NRCAM: variants seen among roughly 807,000 people sequenced by gnomAD.
The protein encoded by NRCAM is neuronal cell adhesion molecule, also known as NgCAM-related cell adhesion molecule.
Under a neutral mutation model 156.5 loss-of-function variants are expected in NRCAM, and 83 were observed. The observed-to-expected ratio is 0.53, with a 90% confidence interval of 0.44 to 0.64. The LOEUF (loss-of-function observed/expected upper bound fraction) is 0.64. Ranked by LOEUF, NRCAM falls within the 30% of genes least tolerant of loss-of-function variation. The probability of loss-of-function intolerance (pLI) is 0.00; values close to 1 mark genes in which losing one functional copy is unlikely to be tolerated. For missense variants in NRCAM, 1,417 were observed against 1,597.3 expected (o/e 0.89, Z 1.92); for synonymous variants, 538 against 563.9 (o/e 0.95, Z 0.65).
At chr7:108,354,906 A>G (rs2099474849) in intron 2 of NRCAM, among the ~76,000 whole-genome samples, 1 of 152,148 alleles carries the variant, frequency 6.6e-6, no homozygotes, top group African/African-American at 2.4e-5. Flanking sequence ...AAAAAAAAAA[A>G]GCAATTTCAC....
At chr7:108,408,652 A>T (rs1368233108) in intron 1 of NRCAM, among the ~76,000 whole-genome samples, 1 of 152,262 alleles carries the variant, frequency 6.6e-6, no homozygotes, top group East Asian at 1.9e-4. Flanking sequence ...GATATTTAAT[A>T]TTAGCTCACA....
At chr7:108,264,952 G>T (rs2097035304) in intron 3 of NRCAM, among the ~76,000 whole-genome samples, 1 of 152,198 alleles carries the variant, frequency 6.6e-6, no homozygotes, top group South Asian at 2.1e-4. Flanking sequence ...GACAGAAAAT[G>T]AATGCTGTCC....
intron 6 of NRCAM, 73 bp downstream of exon 6, chr7:108,234,510 A>C (rs1365147246): frequency 1.0e-6 from 1 of 975,820 alleles, no homozygotes; most frequent in African/African-American, 1.6e-5. Flanking sequence ...GGAAATTCCC[A>C]AACATATTTC....
chr7:108,312,247 G>T (rs770678095), intron 3 of NRCAM, among the ~76,000 whole-genome samples: 7 of 152,116 alleles, frequency 4.6e-5, no homozygotes, highest in Non-Finnish European at 1.0e-4. Flanking sequence ...ATCACTAATG[G>T]ATGGTATACC....
At chr7:108,374,469 T>G (rs2099656534) in intron 2 of NRCAM, among the ~76,000 whole-genome samples, 1 of 152,126 alleles carries the variant, frequency 6.6e-6, no homozygotes, top group Admixed American at 6.6e-5. Context: ...TACCTGAATA[T>G]TATAATTAAT....
chr7:108,171,326 A>G (rs893075116), intron 28 of NRCAM, among the ~76,000 whole-genome samples: 8 of 152,186 alleles, frequency 5.3e-5, no homozygotes, highest in Admixed American at 3.3e-4. Context: ...ACAGGTAAAT[A>G]CAAATTCCTT....
intron 23 of NRCAM, among the ~76,000 whole-genome samples, chr7:108,182,313 T>A (rs1295028824): frequency 6.6e-6 from 1 of 151,498 alleles, no homozygotes; most frequent in Admixed American, 6.6e-5. Flanking sequence ...GCCCTCTACA[T>A]CTGCAGGTTC....
At chr7:108,180,568 T>C (rs1246949217) in intron 24 of NRCAM, 141 bp from the exon 25 acceptor site, 5 of 648,636 alleles carry the variant, frequency 7.7e-6, no homozygotes, top group African/African-American at 7.3e-5. Context: ...CTGATGGATA[T>C]TGATTCTGAG....
chr7:108,195,969 G>A, intron 14 of NRCAM, 97 bp from the exon 15 acceptor site: 1 of 797,946 alleles, frequency 1.3e-6, no homozygotes, highest in Non-Finnish European at 2.1e-6. Context: ...AAAGTTTATG[G>A]TAAAGCACAA....
intron 32 of NRCAM, among the ~76,000 whole-genome samples, chr7:108,155,662 A>G (rs897340238): frequency 6.6e-6 from 1 of 152,018 alleles, no homozygotes; most frequent in African/African-American, 2.4e-5. Context: ...ACTAGGCTAT[A>G]AACTCCCTGT....
chr7:108,229,042 T>G (rs923120864), intron 8 of NRCAM, among the ~76,000 whole-genome samples: 1 of 152,220 alleles, frequency 6.6e-6, no homozygotes, highest in African/African-American at 2.4e-5. Flanking sequence ...AATGTATATG[T>G]CTTGTGAGTG....
intron 2 of NRCAM, among the ~76,000 whole-genome samples, chr7:108,357,660 A>C (rs1190749548): frequency 2.0e-5 from 3 of 152,000 alleles, no homozygotes; most frequent in Non-Finnish European, 4.4e-5. Flanking sequence ...ATGAATGTAA[A>C]CTCTTCTATC....
intron 2 of NRCAM, among the ~76,000 whole-genome samples, chr7:108,358,244 C>CAAAA (rs71314689): frequency 1.4e-5 from 1 of 71,776 alleles, no homozygotes. Flanking sequence ...CCCCTCTCTA[C>CAAAA]AAAAAAAAAA....
chr7:108,308,295 T>G (rs1282937210), intron 3 of NRCAM, among the ~76,000 whole-genome samples: 1 of 152,210 alleles, frequency 6.6e-6, no homozygotes, highest in Non-Finnish European at 1.5e-5. Flanking sequence ...GAATCTAGAC[T>G]TATTTCATCA....
chr7:108,270,470 C>T (rs1191782445), intron 3 of NRCAM, among the ~76,000 whole-genome samples: 6 of 152,084 alleles, frequency 3.9e-5, no homozygotes, highest in Admixed American at 1.3e-4. Flanking sequence ...TGAATTTCTG[C>T]TATTGAGACT....
At chr7:108,161,312 T>C (rs1317167083) in intron 30 of NRCAM, among the ~76,000 whole-genome samples, 6 of 152,238 alleles carry the variant, frequency 3.9e-5, no homozygotes, top group Non-Finnish European at 8.8e-5. Context: ...TTCTGTTTAA[T>C]AAATGTGAAA....
rs565567045 is a variant in NRCAM, at chr7:108,435,727, C to T, written c.-332+20516G>A. Among the ~76,000 whole-genome samples the T allele has an allele frequency of 2.6e-5, 4 of 152,302 alleles. No individual in the cohort carries two copies. The East Asian group carries it at 5.8e-4, about 22-fold the overall frequency. On this transcript the variant is annotated intron_variant, in intron 1 of 32. Transcript: ENST00000379028. ...ACTTCACCTATATAATAAACCTGCA[C>T]ATGTACCCCTGAACTTAAACTAAAA...
At chr7:108,366,147 C>T (rs935378669) in intron 2 of NRCAM, among the ~76,000 whole-genome samples, 6 of 152,138 alleles carry the variant, frequency 3.9e-5, no homozygotes, top group Non-Finnish European at 5.9e-5. Context: ...TGACTCTGTC[C>T]GTGCCTTTCT....
chr7:108,151,272 C>G (rs2041436306), intron 32 of NRCAM, among the ~76,000 whole-genome samples: 1 of 151,912 alleles, frequency 6.6e-6, no homozygotes, highest in Admixed American at 6.6e-5. Context: ...TTTCAAAGAA[C>G]AAAAATGCAA....
Sources: allele counts gnomAD v4.1 joint callset (sites outside exome capture counted in the v4.1 genomes callset), GRCh38; gene constraint gnomAD v4.1.1; transcripts MANE v1.5; gene names NCBI Gene and HGNC (gene_info 2026-07-23, HGNC 2026-07-21).